The following HGF variants were observed in gnomAD, a reference collection of about 807,000 sequenced individuals.
The protein encoded by HGF is fibroblast-derived tumor cytotoxic factor.
Under a neutral mutation model 111.6 loss-of-function variants are expected in HGF, and 39 were observed. The observed-to-expected ratio is 0.35, with a 90% CI of 0.27 to 0.46. The LOEUF (loss-of-function observed/expected upper bound fraction) is 0.46. Among genes scored for constraint, HGF ranks in the 20% least tolerant of loss-of-function variants. The pLI, the probability that HGF is intolerant of heterozygous loss-of-function variation, is 1.00. For missense variants in HGF, 735 were observed against 910.5 expected (o/e 0.81, Z 2.48); for synonymous variants, 285 against 294.8 (o/e 0.97, Z 0.34).
At chr7:81,716,706 C>T (rs907725760) in intron 11 of HGF, among the ~76,000 whole-genome samples, 1 of 152,016 alleles carries the variant, frequency 6.6e-6, no homozygotes, top group Non-Finnish European at 1.5e-5. Flanking sequence ...TTACTTTATA[C>T]ACTAATATCT....
intron 4 of HGF, chr7:81,756,953 G>T: frequency 1.8e-6 from 1 of 570,572 alleles, no homozygotes; most frequent in Non-Finnish European, 3.1e-6. Context: ...CACAAATACC[G>T]AGATCTACAA....
At position 81,757,124 on chromosome 7, in the gene HGF, A is replaced by G. The variant is rs562378356; in HGVS notation, c.482+65T>C. 2.1e-5 allele frequency: 18 copies of G among 840,606 alleles called. 1 individual carries two copies. In the African/African-American group the frequency reaches 2.6e-4, roughly 12 times the overall value. 52.1% of individuals were successfully genotyped at this position (840,606 alleles called of 1,614,324 possible). A position where few individuals can be genotyped will look rare whatever the true frequency, so the allele number is the denominator to read the frequency against. On this transcript the variant is annotated intron_variant, in intron 4 of 17. Coordinates refer to ENST00000222390, the MANE Select transcript of HGF (RefSeq NM_000601.6). ...GATTGTAGAATTATTCTGAAGGACT[A>G]ATATGAGACTGTTAACATGTAAAAA...
At chr7:81,721,596 A>ACTGTAAAAC (rs1789866186) in intron 9 of HGF, among the ~76,000 whole-genome samples, 5 of 152,178 alleles carry the variant, frequency 3.3e-5, no homozygotes, top group Non-Finnish European at 7.4e-5. Context: ...TGAGTCACCC[A>ACTGTAAAAC]AGTCAGCTGT....
rs1789159181 is a variant in HGF at position 81,762,826 on chromosome 7, T to G, written c.135A>C (p.Ser45=). The G allele has an allele frequency of 6.3e-7, 1 of 1,595,738 alleles. No individual in the cohort carries two copies. The highest frequency in any genetic ancestry group is 8.6e-7 in the Non-Finnish European group (1 of 1,163,584). The change falls in exon 2 of 18, where the codon TCA becomes TCC. Residue 45 remains serine, a synonymous_variant. Transcript: ENST00000222390. The part of the protein sequence containing the change: ...RRNTIHEFKK[S]AKTTLIKIDP... ...CTATTTTGATTAGGGTAGTCTTTGC[T>G]GATTTTTTGAATTCATGAATTGTAT...
At chr7:81,766,084 A>T (rs111876046) in intron 1 of HGF, among the ~76,000 whole-genome samples, 1 of 152,232 alleles carries the variant, frequency 6.6e-6, no homozygotes, top group African/African-American at 2.4e-5. Context: ...AGCTGAAATC[A>T]TTAGGATCCT....
At chr7:81,766,606 C>T (rs1264361408) in intron 1 of HGF, among the ~76,000 whole-genome samples, 1 of 152,160 alleles carries the variant, frequency 6.6e-6, no homozygotes, top group African/African-American at 2.4e-5. Flanking sequence ...TGAGAAGCTG[C>T]AGCATCATCT....
chr7:81,740,041 C>T lies in HGF; in HGVS notation c.865+3312G>A, dbSNP rs530103496. ...CTCCAGCCATCCATCTCTTTACCCC[C>T]TTCCTCACTGGCCTAATTGCAACCA... On this transcript the variant is annotated intron_variant, in intron 7 of 17. Coordinates refer to ENST00000222390, the MANE Select transcript of HGF (RefSeq NM_000601.6). 1.1e-4 allele frequency among the ~76,000 whole-genome samples: 16 copies of T among 152,292 alleles called. 1 individual carries two copies. In the South Asian group the frequency reaches 3.1e-3, roughly 30 times the overall value.
chr7:81,721,081 T>C (rs1048212749), intron 9 of HGF, among the ~76,000 whole-genome samples: 18 of 150,304 alleles, frequency 1.2e-4, no homozygotes, highest in African/African-American at 4.4e-4. Context: ...CTGTCTCTAC[T>C]TTAAAAATAC....
At chr7:81,738,572 G>A (rs1196356482) in intron 7 of HGF, among the ~76,000 whole-genome samples, 1 of 152,098 alleles carries the variant, frequency 6.6e-6, no homozygotes, top group Non-Finnish European at 1.5e-5. Flanking sequence ...CAGACAATGA[G>A]CAACATTAAT....
At chr7:81,717,175 A>T in intron 11 of HGF, 57 bp downstream of exon 11, 1 of 1,541,976 alleles carries the variant, frequency 6.5e-7, no homozygotes, top group Admixed American at 1.7e-5. Flanking sequence ...CAACTTTTAG[A>T]TGAAATGTAG....
chr7:81,767,196 T>C (rs1263915151), intron 1 of HGF, among the ~76,000 whole-genome samples: 23 of 152,130 alleles, frequency 1.5e-4, no homozygotes, highest in Admixed American at 1.5e-3. Context: ...AAAGTATTTC[T>C]AACAGGGTTT....
intron 6 of HGF, among the ~76,000 whole-genome samples, 155 bp from the exon 7 acceptor site, chr7:81,743,626 G>C (rs879177720): frequency 1.3e-5 from 2 of 152,086 alleles, no homozygotes; most frequent in Non-Finnish European, 2.9e-5. Context: ...GCTGATCACT[G>C]ACTATTGAAT....
intron 11 of HGF, among the ~76,000 whole-genome samples, chr7:81,716,486 G>A (rs1789715684): frequency 6.6e-6 from 1 of 152,064 alleles, no homozygotes; most frequent in Admixed American, 6.6e-5. Context: ...GACTTCTCAT[G>A]TCTTAAACAT....
Position 81,757,391 on chromosome 7 carries a change from T to A in HGF, c.368-88A>T. On this transcript the variant is annotated intron_variant, in intron 3 of 17. Coordinates refer to ENST00000222390, the MANE Select transcript of HGF (RefSeq NM_000601.6). ...AAATTCCGTTCAAACCTGTAAGTAA[T>A]TAACTCTTGTAAACTATTTCAAATA... 5.5e-6 allele frequency: 4 copies of A among 728,302 alleles called. No homozygotes were observed. In the South Asian group the frequency reaches 5.9e-5, roughly 11 times the overall value. The allele number at this position is 728,302 out of a possible 1,614,324, so 45.1% of individuals were successfully genotyped here.
chr7:81,742,058 T>C (rs1208308767), intron 7 of HGF, among the ~76,000 whole-genome samples: 1 of 150,044 alleles, frequency 6.7e-6, no homozygotes, highest in East Asian at 2.0e-4. Context: ...GAAAGACTAA[T>C]ACAATTTAAA....
chr7:81,757,482 A>G (rs1788837184), intron 3 of HGF, among the ~76,000 whole-genome samples, 179 bp from the exon 4 acceptor site: 1 of 152,220 alleles, frequency 6.6e-6, no homozygotes, highest in South Asian at 2.1e-4. Flanking sequence ...TGAATAATCC[A>G]AAACAAACAG....
rs112557787 is a variant in HGF at position 81,725,930 on chromosome 7, G to A, written c.1128C>T (p.Tyr376=). ...FTTDPNIRVG[Y]CSQIPNCDMS... ...TATCACAGTTTGGAATTTGGGAGCA[G>A]TAGCCAACTCGGATGTTTGGATCAG... Residue 376 remains tyrosine, a synonymous_variant, in exon 9 of 18, where the codon TAC becomes TAT. Coordinates refer to ENST00000222390, the MANE Select transcript of HGF (RefSeq NM_000601.6). 4 of 1,613,934 alleles carry A rather than the reference G, an allele frequency of 2.5e-6. No homozygotes were observed. Among genetic ancestry groups the A allele is most frequent in the Non-Finnish European group, 3.4e-6 (4 of 1,179,960 alleles).
At chr7:81,714,681 A>T (rs1470169929) in intron 11 of HGF, among the ~76,000 whole-genome samples, 1 of 152,076 alleles carries the variant, frequency 6.6e-6, no homozygotes, top group Non-Finnish European at 1.5e-5. Flanking sequence ...AAAATATGTA[A>T]AATATTATTT....
chr7:81,726,982 T>G (rs1790028854), intron 8 of HGF, among the ~76,000 whole-genome samples: 1 of 151,950 alleles, frequency 6.6e-6, no homozygotes, highest in Non-Finnish European at 1.5e-5. Context: ...TTAGGTCCAA[T>G]TAGAAGTACT....
Sources: gnomAD v4.1 joint callset for allele counts (sites outside exome capture counted in the v4.1 genomes callset) on GRCh38, gnomAD v4.1.1 for gene constraint, MANE v1.5 for transcripts, NCBI Gene and HGNC (gene_info 2026-07-23, HGNC 2026-07-21) for gene names.